CAMKMT: variants seen among roughly 807,000 people sequenced by gnomAD.
CAMKMT encodes CaM KMT.
A neutral mutation model predicts 48.0 loss-of-function variants in CAMKMT; 53 were observed. That is an observed-to-expected ratio of 1.10 (90% CI 0.89 to 1.39). The LOEUF is 1.39. Among genes scored for constraint, CAMKMT ranks in the 40% most tolerant of loss-of-function variants. The pLI, the probability that CAMKMT is intolerant of heterozygous loss-of-function variation, is 0.00. For synonymous variants in CAMKMT, 165 were observed against 152.3 expected (o/e 1.08, Z -0.61); for missense variants, 428 against 402.7 (o/e 1.06, Z -0.54).
At chr2:44,549,689 T>C (rs1214513806) in intron 3 of CAMKMT, 1 of 558,622 alleles carries the variant, frequency 1.8e-6, no homozygotes, top group Non-Finnish European at 3.2e-6. Flanking sequence ...TGCTTATTTA[T>C]TGGCTTAAGG....
At chr2:44,718,771 G>A (rs1210154329) in intron 7 of CAMKMT, among the ~76,000 whole-genome samples, 1 of 152,174 alleles carries the variant, frequency 6.6e-6, no homozygotes, top group Admixed American at 6.5e-5. Context: ...ACTTAAGAAT[G>A]TATGTATCTT....
chr2:44,761,220 C>G (rs1680602632), intron 9 of CAMKMT, among the ~76,000 whole-genome samples: 1 of 152,122 alleles, frequency 6.6e-6, no homozygotes, highest in East Asian at 1.9e-4. Context: ...ACCAGGCAGA[C>G]AGAGAACTGG....
intron 6 of CAMKMT, among the ~76,000 whole-genome samples, chr2:44,713,731 C>T (rs1187275938): frequency 6.6e-6 from 1 of 152,098 alleles, no homozygotes; most frequent in Non-Finnish European, 1.5e-5. Context: ...CCTACCCACC[C>T]CTGGGGGAAG....
At chr2:44,739,118 T>C (rs1558828427) in intron 7 of CAMKMT, among the ~76,000 whole-genome samples, 2 of 152,202 alleles carry the variant, frequency 1.3e-5, no homozygotes, top group Non-Finnish European at 2.9e-5. Flanking sequence ...ACTTTGGCTT[T>C]TGCTCTGAGT....
intron 3 of CAMKMT, among the ~76,000 whole-genome samples, chr2:44,587,420 A>C (rs1211156799): frequency 6.6e-6 from 1 of 151,758 alleles, no homozygotes; most frequent in Non-Finnish European, 1.5e-5. Flanking sequence ...TATTTAAAAA[A>C]TTTTTAGCTC....
intron 3 of CAMKMT, chr2:44,394,939 G>T (rs1363630394): frequency 4.4e-6 from 2 of 454,968 alleles, no homozygotes; most frequent in Non-Finnish European, 8.8e-6. Context: ...CTGGATGATT[G>T]CTTGAGCCCA....
chr2:44,369,884 T>G (rs560559794), intron 1 of CAMKMT: 2 of 152,324 alleles, frequency 1.3e-5, no homozygotes, highest in South Asian at 2.1e-4. Context: ...AACACCATCT[T>G]TCCTTGTTTC....
At chr2:44,539,283 CAAAAAAAAAA>C (rs35929999) in intron 3 of CAMKMT, among the ~76,000 whole-genome samples, 2 of 117,220 alleles carry the variant, frequency 1.7e-5, no homozygotes, top group Non-Finnish European at 3.5e-5. Context: ...CCAGAAGTCT[CAAAAAAAAAA>C]AAAAAAAACC....
At chr2:44,420,423 G>T (rs2603264) in intron 3 of CAMKMT, among the ~76,000 whole-genome samples, 1 of 152,082 alleles carries the variant, frequency 6.6e-6, no homozygotes, top group Non-Finnish European at 1.5e-5. Context: ...CAATGCAGGG[G>T]TTAGGAGTGC....
intron 3 of CAMKMT, among the ~76,000 whole-genome samples, chr2:44,580,697 T>C (rs1199939787): frequency 6.6e-6 from 1 of 152,224 alleles, no homozygotes; most frequent in East Asian, 1.9e-4. Flanking sequence ...TGCCTAACAT[T>C]AAACCTATAA....
At chr2:44,648,668 C>G (rs1489773226) in intron 3 of CAMKMT, among the ~76,000 whole-genome samples, 5 of 152,182 alleles carry the variant, frequency 3.3e-5, no homozygotes, top group South Asian at 4.1e-4. Context: ...ACTTACTAAC[C>G]TTGGGTGTAT....
intron 3 of CAMKMT, among the ~76,000 whole-genome samples, chr2:44,507,382 C>G (rs1025985574): frequency 6.6e-6 from 1 of 152,084 alleles, no homozygotes; most frequent in Non-Finnish European, 1.5e-5. Context: ...ATAAAAAAAA[C>G]CTTATGGATA....
Position 44,649,137 on chromosome 2 carries a change from C to T in CAMKMT, c.377-55146C>T, listed in dbSNP as rs1258764706. Among the ~76,000 whole-genome samples the T allele has an allele frequency of 4.6e-5, 7 of 152,076 alleles. No individual in the cohort carries two copies. The East Asian group carries it at 1.2e-3, about 25-fold the overall frequency. On this transcript the variant is annotated intron_variant, in intron 3 of 10. Coordinates refer to ENST00000378494, the MANE Select transcript of CAMKMT (RefSeq NM_024766.5). ...ACATTTTAACTGGGGGTATATTGAA[C>T]AGGTTTTTCCCTTCAGTGAGGGGGG...
intron 3 of CAMKMT, among the ~76,000 whole-genome samples, chr2:44,593,169 T>C (rs1453106504): frequency 6.6e-6 from 1 of 152,210 alleles, no homozygotes; most frequent in Non-Finnish European, 1.5e-5. Flanking sequence ...TCCACACCAC[T>C]GAGGCAAAAC....
At chr2:44,544,623 T>C (rs1336051956) in intron 3 of CAMKMT, among the ~76,000 whole-genome samples, 1 of 152,202 alleles carries the variant, frequency 6.6e-6, no homozygotes, top group Non-Finnish European at 1.5e-5. Flanking sequence ...CATTATCCAG[T>C]GCTAACATGT....
At chr2:44,659,240 G>A (rs2104074749) in intron 3 of CAMKMT, among the ~76,000 whole-genome samples, 1 of 151,832 alleles carries the variant, frequency 6.6e-6, no homozygotes, top group South Asian at 2.1e-4. Context: ...AGGCAACATA[G>A]TGAGACCTTA....
At chr2:44,649,517 A>G (rs1673939511) in intron 3 of CAMKMT, among the ~76,000 whole-genome samples, 1 of 152,102 alleles carries the variant, frequency 6.6e-6, no homozygotes, top group Non-Finnish European at 1.5e-5. Context: ...TCCTAAAGGG[A>G]GAAACGTCTG....
intron 3 of CAMKMT, among the ~76,000 whole-genome samples, chr2:44,675,021 C>T (rs1202465476): frequency 6.6e-6 from 1 of 151,920 alleles, no homozygotes; most frequent in African/African-American, 2.4e-5. Flanking sequence ...TTACCTCTCA[C>T]TCTCCACGAA....
At chr2:44,532,281 T>C (rs1666529396) in intron 3 of CAMKMT, among the ~76,000 whole-genome samples, 2 of 152,208 alleles carry the variant, frequency 1.3e-5, no homozygotes, top group Admixed American at 6.5e-5. Flanking sequence ...ACAATCACTA[T>C]TACCATATAT....
Sources: allele counts gnomAD v4.1 joint callset (sites outside exome capture counted in the v4.1 genomes callset), GRCh38; gene constraint gnomAD v4.1.1; transcripts MANE v1.5; gene names NCBI Gene and HGNC (gene_info 2026-07-23, HGNC 2026-07-21).